Variants in LARS2 observed in about 807,000 individuals in gnomAD.
The protein encoded by LARS2 is leucyl-tRNA synthetase 2, mitochondrial.
In LARS2, 81 loss-of-function variants were observed where a neutral mutation model predicts 116.6. The observed-to-expected ratio is 0.69, with a 90% CI of 0.58 to 0.84. The LOEUF is 0.84. Among genes scored for constraint, LARS2 ranks in the 40% least tolerant of loss-of-function variants. The pLI, the probability that LARS2 is intolerant of heterozygous loss-of-function variation, is 0.00. For synonymous variants in LARS2, 396 were observed against 407.2 expected, an observed-to-expected ratio of 0.97 and a Z score of 0.33; for missense variants, 968 against 1,114.5, an observed-to-expected ratio of 0.87 and a Z score of 1.87.
intron 4 of LARS2, among the ~76,000 whole-genome samples, chr3:45,412,948 T>C (rs1469499118): frequency 2.0e-5 from 3 of 152,218 alleles, no homozygotes; most frequent in Non-Finnish European, 4.4e-5. Flanking sequence ...GATGGACTGC[T>C]CCTGGTCCAA....
intron 20 of LARS2, among the ~76,000 whole-genome samples, chr3:45,536,592 A>G (rs1031933078): frequency 1.3e-5 from 2 of 152,214 alleles, no homozygotes; most frequent in Admixed American, 6.5e-5. Context: ...GAGTGAACTC[A>G]CTTCTGTATG....
At chr3:45,427,122 C>T (rs1276184035) in intron 6 of LARS2, among the ~76,000 whole-genome samples, 3 of 152,148 alleles carry the variant, frequency 2.0e-5, no homozygotes, top group African/African-American at 7.2e-5. Flanking sequence ...CTCTCTCTTC[C>T]TGACTGAATC....
At chr3:45,392,600 G>C (rs1268473315) in intron 2 of LARS2, among the ~76,000 whole-genome samples, 1 of 151,848 alleles carries the variant, frequency 6.6e-6, no homozygotes, top group African/African-American at 2.4e-5. Flanking sequence ...TGGCCTAAGA[G>C]AGATTTTTTT....
intron 8 of LARS2, among the ~76,000 whole-genome samples, chr3:45,460,370 A>T (rs969294463): frequency 2.0e-5 from 3 of 152,220 alleles, no homozygotes. Flanking sequence ...ACTGGGAAGG[A>T]TGCTTGGTTA....
chr3:45,541,815 C>T lies in LARS2; in HGVS notation c.2405-14C>T, dbSNP rs1339263524. The stretch of plus-strand genomic sequence containing the variant: ...CTTAGAGTGACCCCACGCTTCTGTG[C>T]CTCGGCATTGCAGGCCTGGCGCTGG... On this transcript the variant is annotated splice_polypyrimidine_tract_variant and intron_variant, in intron 20 of 21. Transcript: ENST00000645846. The T allele has an allele frequency of 1.9e-6, 3 of 1,613,796 alleles. No individual in the cohort carries two copies. Among genetic ancestry groups the T allele is most frequent in the South Asian group, 2.2e-5 (2 of 91,036 alleles).
intron 6 of LARS2, among the ~76,000 whole-genome samples, chr3:45,431,903 A>C (rs190591577): frequency 6.6e-6 from 1 of 152,202 alleles, no homozygotes; most frequent in East Asian, 1.9e-4. Context: ...TGATCCATCT[A>C]TATGCTGTCT....
At chr3:45,406,567 T>TG (rs1698234766) in intron 4 of LARS2, among the ~76,000 whole-genome samples, 1 of 152,040 alleles carries the variant, frequency 6.6e-6, no homozygotes, top group African/African-American at 2.4e-5. Context: ...GCAGGTGGTT[T>TG]GGGGGTGATG....
At chr3:45,439,885 A>T (rs536356473) in intron 6 of LARS2, among the ~76,000 whole-genome samples, 1 of 152,294 alleles carries the variant, frequency 6.6e-6, no homozygotes, top group South Asian at 2.1e-4. Flanking sequence ...TGTCTTTCAC[A>T]CAGTATTTGG....
chr3:45,500,616 C>T, intron 15 of LARS2, 37 bp downstream of exon 15: 1 of 1,467,774 alleles, frequency 6.8e-7, no homozygotes, highest in South Asian at 1.4e-5. Context: ...TAATTGAGTT[C>T]CATGAATAGC....
intron 20 of LARS2, among the ~76,000 whole-genome samples, chr3:45,529,983 G>A (rs1396642713): frequency 2.0e-5 from 3 of 152,206 alleles, no homozygotes; most frequent in Non-Finnish European, 4.4e-5. Flanking sequence ...CAGAGCCCTA[G>A]TGCATCCTGT....
In LARS2 at chr3:45,488,724, C is replaced by T; in HGVS notation, c.1151C>T (p.Thr384Ile). The change falls in exon 12 of 22, where the codon ACC becomes ATC. Residue 384 changes from threonine to isoleucine, a missense_variant. Coordinates refer to ENST00000645846, the MANE Select transcript of LARS2 (RefSeq NM_015340.4). Reference protein sequence around the residue: ...IGIPSTSSEDTILAQTLGLAY... With the variant: ...IGIPSTSSEDIILAQTLGLAY... Reference sequence around the variant, plus strand: ...ATTCCCAGTACTAGCTCAGAGGACACCATCTTAGCCCAAACCCTGGGCCTG... The same window carrying T: ...ATTCCCAGTACTAGCTCAGAGGACATCATCTTAGCCCAAACCCTGGGCCTG... The T allele has an allele frequency of 6.2e-7, 1 of 1,612,864 alleles. No individual in the cohort carries two copies.
intron 6 of LARS2, among the ~76,000 whole-genome samples, chr3:45,429,133 G>T (rs568410274): frequency 3.9e-5 from 6 of 152,168 alleles, no homozygotes; most frequent in African/African-American, 1.4e-4. Flanking sequence ...GTTTTCTGCT[G>T]CTACCATAAC....
At chr3:45,476,424 A>G (rs370779459) in intron 9 of LARS2, 44 bp from the exon 10 acceptor site, 1 of 1,607,986 alleles carries the variant, frequency 6.2e-7, no homozygotes, top group Non-Finnish European at 8.5e-7. Flanking sequence ...CACAGCCCAA[A>G]GGGAGGACTG....
intron 4 of LARS2, among the ~76,000 whole-genome samples, chr3:45,417,247 C>T (rs943379836): frequency 6.6e-6 from 1 of 152,086 alleles, no homozygotes; most frequent in Admixed American, 6.6e-5. Flanking sequence ...ATAAAAAGTA[C>T]TCATGAAAAC....
At chr3:45,524,142 A>G (rs1196344755) in intron 20 of LARS2, 34 bp downstream of exon 20, 1 of 1,366,048 alleles carries the variant, frequency 7.3e-7, no homozygotes, top group Non-Finnish European at 1.0e-6. Context: ...ACCAGTTACT[A>G]CTAACTAGAA....
chr3:45,476,078 T>C (rs957946837), intron 9 of LARS2, among the ~76,000 whole-genome samples: 3 of 151,796 alleles, frequency 2.0e-5, no homozygotes, highest in African/African-American at 4.8e-5. Flanking sequence ...TTTTTTTTTT[T>C]TTACCGTACC....
chr3:45,401,607 C>T (rs972328058), intron 4 of LARS2, among the ~76,000 whole-genome samples: 4 of 152,044 alleles, frequency 2.6e-5, no homozygotes, highest in African/African-American at 9.7e-5. Flanking sequence ...TTCCTCTTTA[C>T]CCCCCGCCTG....
At chr3:45,417,877 C>T (rs367897706) in intron 5 of LARS2, among the ~76,000 whole-genome samples, 5 of 152,084 alleles carry the variant, frequency 3.3e-5, no homozygotes, top group Admixed American at 1.3e-4. Flanking sequence ...AGAAGAGGGT[C>T]GCATTTGTTA....
chr3:45,488,636 A>G, intron 11 of LARS2, 61 bp from the exon 12 acceptor site: 1 of 968,334 alleles, frequency 1.0e-6, no homozygotes, highest in East Asian at 2.4e-5. Context: ...CAGTACTGTC[A>G]GTTGTTTTGT....
Sources: allele counts gnomAD v4.1 joint callset (sites outside exome capture counted in the v4.1 genomes callset), GRCh38; gene constraint gnomAD v4.1.1; transcripts MANE v1.5; gene names NCBI Gene and HGNC (gene_info 2026-07-23, HGNC 2026-07-21).